ABR: variants seen among roughly 807,000 people sequenced by gnomAD.
ABR encodes the protein ABR activator of RhoGEF and GTPase.
A neutral mutation model predicts 107.2 loss-of-function variants in ABR; 35 were observed. The ratio of observed to expected loss-of-function variants is 0.33; its 90% CI spans 0.25 to 0.43. ABR has a LOEUF of 0.43. Among genes scored for constraint, ABR ranks in the 20% least tolerant of loss-of-function variants. ABR has a pLI of 1.00. For synonymous variants in ABR, 498 were observed against 462.0 expected (o/e 1.08, Z -1.00); for missense variants, 815 against 1,115.2 (o/e 0.73, Z 3.83).
intron 5 of ABR, among the ~76,000 whole-genome samples, chr17:1,080,269 C>T (rs1048844341): frequency 1.1e-4 from 17 of 152,046 alleles, no homozygotes; most frequent in Admixed American, 7.2e-4. Context: ...GCTGGGGGTC[C>T]GAGAGGAAGC....
At chr17:1,097,965 C>G (rs934565372) in intron 3 of ABR, among the ~76,000 whole-genome samples, 2 of 152,208 alleles carry the variant, frequency 1.3e-5, no homozygotes, top group African/African-American at 4.8e-5. Flanking sequence ...CCGATCTTCT[C>G]AACCCCATGG....
chr17:1,005,489 TCAAA>T lies in ABR; in HGVS notation c.*587_*590del, dbSNP rs2069951466. On this transcript the variant is annotated 3_prime_UTR_variant, in exon 23 of 23. Transcript: ENST00000302538. ...GGGCCGGCAGCGGCAAACGGCAGCA[TCAAA>T]CAGACCACTGCTGCCGCGGCAACCC... 8.1e-6 allele frequency: 2 copies of T among 246,304 alleles called. No individual in the cohort carries two copies. Among genetic ancestry groups the T allele is most frequent in the Non-Finnish European group, 1.5e-5 (2 of 129,646 alleles). 15.3% of individuals were successfully genotyped at this position (246,304 alleles called of 1,614,324 possible).
At chr17:1,192,019 C>T (rs192489315), upstream of ABR, among the ~76,000 whole-genome samples, 26 of 152,228 alleles carry the variant, frequency 1.7e-4, no homozygotes, top group Admixed American at 1.7e-3. Flanking sequence ...GTTCTCACCT[C>T]GACACGAAGA....
intron 16 of ABR, among the ~76,000 whole-genome samples, chr17:1,021,641 T>TA (rs1362691727): frequency 1.3e-5 from 2 of 150,878 alleles, no homozygotes; most frequent in Non-Finnish European, 2.9e-5. Flanking sequence ...CCGTCTCTAC[T>TA]AAAAATACAA....
rs2041086293 is a variant in ABR, at chr17:1,157,365, C to A, written c.61+22302G>T. 6.6e-6 allele frequency among the ~76,000 whole-genome samples: 1 copy of A among 151,890 alleles called. No homozygotes were observed. Among genetic ancestry groups the A allele is most frequent in the Non-Finnish European group, 1.5e-5 (1 of 68,004 alleles). The stretch of plus-strand genomic sequence containing the variant: ...TCCCGGGTTCAAGTAATTCTCCTGC[C>A]TCAGCCTCCCAAATAGCTGGGATTA... On this transcript the variant is annotated intron_variant, in intron 1 of 22. Coordinates refer to ENST00000302538, the MANE Select transcript of ABR (RefSeq NM_021962.5). This position sits in a 1 kb window ranked among gnomAD's most constrained non-coding sequence, Gnocchi z 4.7.
chr17:1,108,051 C>A (rs1016179362), intron 2 of ABR, among the ~76,000 whole-genome samples: 1 of 152,182 alleles, frequency 6.6e-6, no homozygotes, highest in East Asian at 1.9e-4. Context: ...TAGGCCCCGC[C>A]GATGGGCACT....
At chr17:1,067,341 C>A in intron 9 of ABR, 99 bp from the exon 10 acceptor site, 1 of 1,196,794 alleles carries the variant, frequency 8.4e-7, no homozygotes, top group Non-Finnish European at 1.1e-6. Context: ...CAGGGGTTGA[C>A]TGAGAACTCG....
At chr17:1,174,187 C>A (rs2041845575) in intron 1 of ABR, among the ~76,000 whole-genome samples, 1 of 152,220 alleles carries the variant, frequency 6.6e-6, no homozygotes, top group African/African-American at 2.4e-5. Context: ...CAGTAGCCAA[C>A]AATCACAACC....
chr17:1,114,698 A>AGGAGGCGGAGGTTGCAG (rs2038902859), intron 2 of ABR, among the ~76,000 whole-genome samples: 1 of 151,146 alleles, frequency 6.6e-6, no homozygotes, highest in South Asian at 2.1e-4. Flanking sequence ...GCTTGAACCC[A>AGGAGGCGGAGGTTGCAG]GGAGGCGGAG....
intron 1 of ABR, among the ~76,000 whole-genome samples, chr17:1,155,756 G>A (rs750362341): frequency 1.1e-4 from 16 of 151,928 alleles, no homozygotes; most frequent in Non-Finnish European, 2.2e-4. Flanking sequence ...ACAAGGTCAG[G>A]AGTTTGAGAC....
intron 1 of ABR, among the ~76,000 whole-genome samples, chr17:1,194,052 T>C (rs765299630): frequency 1.4e-4 from 22 of 152,176 alleles, no homozygotes; most frequent in Non-Finnish European, 8.8e-5. Flanking sequence ...GACACAAAGA[T>C]GAATTTCCAT....
intron 4 of ABR, among the ~76,000 whole-genome samples, chr17:1,088,892 ATT>A (rs56669324): frequency 2.9e-3 from 300 of 102,480 alleles, no homozygotes; most frequent in African/African-American, 0.011. Context: ...GTGCCCAGCC[ATT>A]TTTTTTTTTT....
At chr17:1,066,765 G>T (rs2151150128) in intron 10 of ABR, among the ~76,000 whole-genome samples, 1 of 152,244 alleles carries the variant, frequency 6.6e-6, no homozygotes, top group South Asian at 2.1e-4. Context: ...CTGGCCTCAG[G>T]TGATCCACCT....
rs2042645101 is a variant in ABR at position 1,200,176 on chromosome 17, T to C, written c.838+28617A>G. ...AAAAAAACACCACAAAAATAAAAAATACAAATAATACAGCATAACAACCAC... is the reference window on the plus strand; with the variant it reads ...AAAAAAACACCACAAAAATAAAAAACACAAATAATACAGCATAACAACCAC... On this transcript the variant is annotated intron_variant, in intron 1 of 22. Transcript: ENST00000574139. This position sits in a 1 kb window ranked among gnomAD's most constrained non-coding sequence, Gnocchi z 4.1. 6.6e-6 allele frequency among the ~76,000 whole-genome samples: 1 copy of C among 151,546 alleles called. No individual in the cohort carries two copies. Among genetic ancestry groups the C allele is most frequent in the African/African-American group, 2.4e-5 (1 of 41,230 alleles).
intron 1 of ABR, among the ~76,000 whole-genome samples, chr17:1,170,228 C>G (rs1051657571): frequency 6.6e-6 from 1 of 152,044 alleles, no homozygotes; most frequent in African/African-American, 2.4e-5. Context: ...GGGGGCAAGA[C>G]GCAGTCTTCA....
intron 2 of ABR, among the ~76,000 whole-genome samples, chr17:1,103,206 G>C (rs2258130): frequency 0.69 from 104,827 of 151,902 alleles, 36,384 homozygotes; most frequent in East Asian, 0.88. Flanking sequence ...ATTCACCGGA[G>C]TCTCAAAACC....
At chr17:1,016,172 A>C (rs2071138927) in intron 16 of ABR, among the ~76,000 whole-genome samples, 1 of 152,198 alleles carries the variant, frequency 6.6e-6, no homozygotes, top group South Asian at 2.1e-4. Context: ...CCTATTACTG[A>C]AAATTACTTG....
intron 1 of ABR, among the ~76,000 whole-genome samples, chr17:1,159,611 A>G (rs2041199793): frequency 8.4e-6 from 1 of 119,578 alleles, no homozygotes; most frequent in African/African-American, 3.3e-5. Flanking sequence ...CATGAGAAGT[A>G]AGAATGCGGT....
At position 1,205,739 on chromosome 17, in the gene ABR, C is replaced by T. The variant is rs141272096; in HGVS notation, c.838+23054G>A. Among the ~76,000 whole-genome samples, 407 of 152,262 alleles carry T rather than the reference C, an allele frequency of 2.7e-3. 4 individuals are homozygous for T. Among genetic ancestry groups the T allele is most frequent in the Admixed American group, 8.2e-3 (126 of 15,296 alleles). ...GCGGGCAGATCACAAGATCAAGAGA[C>T]GGAGACCATCCTGGCCAACATGGTG... On this transcript the variant is annotated intron_variant, in intron 1 of 22. Transcript: ENST00000574139.
Sources: gnomAD v4.1 joint callset for allele counts (sites outside exome capture counted in the v4.1 genomes callset) on GRCh38, gnomAD v4.1.1 for gene constraint, Gnocchi (gnomAD v3.1) non-coding constraint, MANE v1.5 for transcripts, NCBI Gene and HGNC (gene_info 2026-07-23, HGNC 2026-07-21) for gene names.